ITK: variants seen among roughly 807,000 people sequenced by gnomAD.
ITK encodes tyrosine-protein kinase ITK/TSK.
ITK carries 45 observed loss-of-function variants against 87.6 expected under a neutral mutation model. That is an observed-to-expected ratio of 0.51 (90% CI 0.40 to 0.66). The LOEUF is 0.66. ITK is among the 30% of genes least tolerant of loss of function. The pLI is 0.00. For missense variants in ITK, 605 were observed against 766.3 expected, an observed-to-expected ratio of 0.79 and a Z score of 2.48; for synonymous variants, 303 against 273.6, an observed-to-expected ratio of 1.11 and a Z score of -1.06.
intron 1 of ITK, among the ~76,000 whole-genome samples, chr5:157,205,976 T>A (rs973139831): frequency 1.8e-5 from 1 of 56,930 alleles, no homozygotes; most frequent in Non-Finnish European, 3.3e-5. Context: ...AGGATTAGCC[T>A]TTTTTTTTTT....
chr5:157,221,591 G>GAA (rs576665287), intron 5 of ITK, among the ~76,000 whole-genome samples: 14 of 150,986 alleles, frequency 9.3e-5, no homozygotes, highest in African/African-American at 3.2e-4. Context: ...ATGATTATTA[G>GAA]AAAAAAAAAT....
rs115751349 is a variant in ITK at position 157,232,393 on chromosome 5, C to T, written c.767C>T (p.Thr256Ile). 1.3e-4 allele frequency: 203 copies of T among 1,596,974 alleles called. No homozygotes were observed. The African/African-American group carries it at 2.5e-3, about 19-fold the overall frequency. Residue 256 changes from threonine (T) to isoleucine (I), a missense_variant and splice_region_variant, in exon 8 of 17, where the codon ACA (threonine) becomes ATA (isoleucine). Coordinates refer to ENST00000422843, the MANE Select transcript of ITK (RefSeq NM_005546.4). ...AAAGCTGAAAAACTTCTTTTGGACA[C>T]AGTAAGTCTCCTTAACCTGTCTTTT... The part of the protein sequence containing the change: ...RDKAEKLLLD[T>I]GKEGAFMVRD...
At chr5:157,186,682 AAG>A (rs61141972) in intron 1 of ITK, among the ~76,000 whole-genome samples, 17,424 of 148,406 alleles carry the variant, frequency 0.12, 1,041 homozygotes, top group Middle Eastern at 0.21. Context: ...GTCTCAAAAA[AAG>A]AGAGAGAGAG....
intron 13 of ITK, 67 bp from the exon 14 acceptor site, chr5:157,245,659 C>A: frequency 8.1e-7 from 1 of 1,234,222 alleles, no homozygotes; most frequent in Non-Finnish European, 1.2e-6. Flanking sequence ...TTATAGGAGA[C>A]TCCTTAACTA....
chr5:157,187,895 G>T (rs1753677533), intron 1 of ITK, among the ~76,000 whole-genome samples: 1 of 151,754 alleles, frequency 6.6e-6, no homozygotes, highest in South Asian at 2.1e-4. Context: ...AGCTTCCCAG[G>T]CTCAAGTGAT....
At chr5:157,236,974 A>G (rs1331985113) in intron 8 of ITK, among the ~76,000 whole-genome samples, 1 of 152,236 alleles carries the variant, frequency 6.6e-6, no homozygotes, top group African/African-American at 2.4e-5. Context: ...AGGAATGTTC[A>G]TTAGTTCAGC....
intron 8 of ITK, among the ~76,000 whole-genome samples, chr5:157,237,004 G>A (rs901831745): frequency 7.2e-5 from 11 of 152,150 alleles, no homozygotes; most frequent in African/African-American, 2.7e-4. Flanking sequence ...AAGCAGTTTG[G>A]TGATTTCTCA....
At chr5:157,199,677 T>TA (rs1351260438) in intron 1 of ITK, 1 of 152,208 alleles carries the variant, frequency 6.6e-6, no homozygotes, top group African/African-American at 2.4e-5. Context: ...TTCTACGTAT[T>TA]AAGAGGGTTG....
chr5:157,245,729 G>A lies in ITK; in HGVS notation c.1453G>A (p.Ala485Thr). ...TGTTTGCCTGTCTCCTCTCCAGGCT[G>A]CCAGAAATTGTTTGGTGGGAGAAAA... ...EACVIHRDLA[A>T]RNCLVGENQV... The change falls in exon 14 of 17, where the codon GCC becomes ACC. Residue 485 changes from alanine (A) to threonine (T), a missense_variant. Ala to Thr is a moderately conservative substitution (Grantham distance 58). Transcript: ENST00000422843. 1 of 1,614,114 alleles carries A rather than the reference G, an allele frequency of 6.2e-7. No homozygotes were observed. The highest frequency in any genetic ancestry group is 8.5e-7 in the Non-Finnish European group (1 of 1,179,968).
At chr5:157,234,991 G>C (rs1754748688) in intron 8 of ITK, among the ~76,000 whole-genome samples, 1 of 151,990 alleles carries the variant, frequency 6.6e-6, no homozygotes, top group South Asian at 2.1e-4. Context: ...TAAAACTCCT[G>C]GTGTACTGCC....
chr5:157,200,699 G>T (rs980398605), intron 1 of ITK, among the ~76,000 whole-genome samples: 2 of 152,128 alleles, frequency 1.3e-5, no homozygotes, highest in Admixed American at 1.3e-4. Context: ...TGACGTTGAC[G>T]GTGGAACATG....
rs1159147357 is a variant in ITK at position 157,201,079 on chromosome 5, A to AAT, written c.139-7807_139-7806dup. 2.7e-5 allele frequency among the ~76,000 whole-genome samples: 4 copies of AAT among 150,008 alleles called. No homozygotes were observed. The East Asian group carries it at 8.3e-4, about 31-fold the overall frequency. On this transcript the variant is annotated intron_variant, in intron 1 of 16. Coordinates refer to ENST00000422843, the MANE Select transcript of ITK (RefSeq NM_005546.4). ...CCTAAAGTCAATTAAGATAATATAC[A>AAT]ATATTACTTGAATAAATGTCAAAAA...
intron 1 of ITK, among the ~76,000 whole-genome samples, chr5:157,188,467 AG>A (rs1753688992): frequency 1.3e-5 from 2 of 152,228 alleles, no homozygotes; most frequent in East Asian, 3.9e-4. Context: ...AAGCACTCCA[AG>A]CTCAAGGTCT....
intron 5 of ITK, among the ~76,000 whole-genome samples, chr5:157,218,975 G>A (rs1208130187): frequency 6.6e-6 from 1 of 151,802 alleles, no homozygotes; most frequent in Non-Finnish European, 1.5e-5. Flanking sequence ...AGTCTTAGAT[G>A]GCATAGTACC....
intron 6 of ITK, among the ~76,000 whole-genome samples, chr5:157,224,932 C>A (rs1382070098): frequency 3.3e-5 from 5 of 151,560 alleles, no homozygotes; most frequent in Admixed American, 3.3e-4. Flanking sequence ...ATCTTGTATT[C>A]ATGTATCTTG....
chr5:157,184,505 C>G (rs1047836307), intron 1 of ITK, among the ~76,000 whole-genome samples: 2 of 152,102 alleles, frequency 1.3e-5, no homozygotes, highest in African/African-American at 4.8e-5. Context: ...GGATCCTTTT[C>G]AGCGGTAAAG....
chr5:157,237,768 C>T (rs76165397), intron 8 of ITK, among the ~76,000 whole-genome samples: 11 of 152,200 alleles, frequency 7.2e-5, no homozygotes, highest in Non-Finnish European at 1.2e-4. Context: ...GTGTCATTGG[C>T]GGTTAAGGAT....
chr5:157,229,882 C>T (rs1754615054), intron 7 of ITK, among the ~76,000 whole-genome samples: 1 of 152,130 alleles, frequency 6.6e-6, no homozygotes, highest in South Asian at 2.1e-4. Context: ...CCATTGAACT[C>T]CAGCCTGGGC....
rs776869469 is a variant in ITK at position 157,217,835 on chromosome 5, C to T, written c.455-32C>T. ...GGTTGGGTCCATTAGTTTTCATGCT[C>T]ATTTTTTCTTTTCCTGTTTTTCTCT... On this transcript the variant is annotated intron_variant, in intron 4 of 16. Transcript: ENST00000422843. 5.6e-6 allele frequency: 9 copies of T among 1,609,230 alleles called. No homozygotes were observed. In the Middle Eastern group the frequency reaches 8.3e-4, roughly 148 times the overall value.
Sources: gnomAD v4.1 joint callset for allele counts (sites outside exome capture counted in the v4.1 genomes callset) on GRCh38, gnomAD v4.1.1 for gene constraint, MANE v1.5 for transcripts, NCBI Gene and HGNC (gene_info 2026-07-23, HGNC 2026-07-21) for gene names.